CAMK1D: variants seen among roughly 807,000 people sequenced by gnomAD.
The protein encoded by CAMK1D is calcium/calmodulin dependent protein kinase ID.
CAMK1D carries 9 observed loss-of-function variants against 47.7 expected under a neutral mutation model. That is an observed-to-expected ratio of 0.19 (90% CI 0.11 to 0.33). The LOEUF (loss-of-function observed/expected upper bound fraction) is 0.33, where lower values mean the gene tolerates loss of function less well. Among genes scored for constraint, CAMK1D ranks in the 10% least tolerant of loss-of-function variants. The pLI, the probability that CAMK1D is intolerant of heterozygous loss-of-function variation, is 1.00. For missense variants in CAMK1D, 291 were observed against 488.7 expected, an observed-to-expected ratio of 0.60 and a Z score of 3.81; for synonymous variants, 184 against 184.9, an observed-to-expected ratio of 0.99 and a Z score of 0.04.
intron 4 of CAMK1D, among the ~76,000 whole-genome samples, chr10:12,766,778 A>G (rs1836783973): frequency 1.3e-5 from 2 of 152,000 alleles, no homozygotes; most frequent in South Asian, 4.1e-4. Context: ...GAAGAACTTG[A>G]TCAGATACCC....
intron 3 of CAMK1D, among the ~76,000 whole-genome samples, chr10:12,706,202 T>C (rs951113128): frequency 6.6e-6 from 1 of 152,182 alleles, no homozygotes; most frequent in Non-Finnish European, 1.5e-5. Context: ...ATATCCTGGG[T>C]GAGACAGAGT....
intron 1 of CAMK1D, among the ~76,000 whole-genome samples, chr10:12,468,167 C>T (rs188481122): frequency 1.6e-4 from 24 of 152,274 alleles, no homozygotes; most frequent in East Asian, 1.5e-3. Flanking sequence ...GTGATCCTCC[C>T]GCCTCAGCTT....
At chr10:12,637,929 G>A (rs1346183714) in intron 2 of CAMK1D, among the ~76,000 whole-genome samples, 2 of 152,178 alleles carry the variant, frequency 1.3e-5, no homozygotes, top group Non-Finnish European at 2.9e-5. Context: ...GCAGGCCACC[G>A]ATGTCCAGCC....
At chr10:12,822,338 C>T (rs568118737) in intron 8 of CAMK1D, among the ~76,000 whole-genome samples, 46 of 152,330 alleles carry the variant, frequency 3.0e-4, no homozygotes, top group African/African-American at 1.1e-3. Context: ...TGGGGGCCAC[C>T]TTCTGCCCAG....
intron 1 of CAMK1D, among the ~76,000 whole-genome samples, chr10:12,548,284 A>G (rs1836462319): frequency 6.6e-6 from 1 of 152,136 alleles, no homozygotes; most frequent in African/African-American, 2.4e-5. Context: ...TACAGTTGAT[A>G]TAATTTTTTT....
At chr10:12,543,765 C>T (rs148967696) in intron 1 of CAMK1D, among the ~76,000 whole-genome samples, 222 of 152,238 alleles carry the variant, frequency 1.5e-3, no homozygotes, top group African/African-American at 5.0e-3. Flanking sequence ...TTTTCTTTGC[C>T]CTGCCACTCA....
chr10:12,591,901 G>A (rs559671031), intron 2 of CAMK1D, among the ~76,000 whole-genome samples: 2 of 152,206 alleles, frequency 1.3e-5, no homozygotes, highest in South Asian at 2.1e-4. Context: ...CACTATGTTG[G>A]CCAGGATGGT....
intron 3 of CAMK1D, among the ~76,000 whole-genome samples, chr10:12,733,661 C>T (rs1000773539): frequency 5.3e-5 from 8 of 152,146 alleles, no homozygotes; most frequent in Non-Finnish European, 8.8e-5. Context: ...GCCAGTGGCT[C>T]TTCATTCAGT....
intron 1 of CAMK1D, among the ~76,000 whole-genome samples, chr10:12,499,905 A>T (rs1197996176): frequency 6.6e-6 from 1 of 152,196 alleles, no homozygotes; most frequent in Non-Finnish European, 1.5e-5. Flanking sequence ...TCCACGGATC[A>T]TTTAGGACCA....
intron 2 of CAMK1D, among the ~76,000 whole-genome samples, chr10:12,592,612 G>A (rs889188996): frequency 6.6e-6 from 1 of 152,186 alleles, no homozygotes; most frequent in Non-Finnish European, 1.5e-5. Context: ...AGGCTCTGCA[G>A]ATGCAGTTTC....
intron 3 of CAMK1D, among the ~76,000 whole-genome samples, chr10:12,750,720 AG>A (rs1835904430): frequency 6.6e-6 from 1 of 151,356 alleles, no homozygotes; most frequent in Non-Finnish European, 1.5e-5. Flanking sequence ...ATGAAGTAGA[AG>A]TTGAGGGAGG....
Position 12,377,678 on chromosome 10 carries a change from A to G in CAMK1D, c.92+27768A>G, listed in dbSNP as rs146951104. Among the ~76,000 whole-genome samples the G allele has an allele frequency of 1.7e-3, 263 of 152,342 alleles. 1 individual carries two copies. Among genetic ancestry groups the G allele is most frequent in the African/African-American group, 5.9e-3 (246 of 41,582 alleles). On this transcript the variant is annotated intron_variant, in intron 1 of 10. Transcript: ENST00000619168. ...GTAATAAAGGACCCACCATATAGGA[A>G]TGCACTTCAAGGGGTTTCTTCATAT...
intron 1 of CAMK1D, among the ~76,000 whole-genome samples, chr10:12,517,887 G>C (rs1187929337): frequency 1.3e-5 from 2 of 152,114 alleles, no homozygotes; most frequent in Non-Finnish European, 2.9e-5. Context: ...GATATCAAAG[G>C]AATCCTTGAC....
Position 12,728,607 on chromosome 10 carries a change from G to A in CAMK1D, c.300-32341G>A, listed in dbSNP as rs376502550. Among the ~76,000 whole-genome samples, 101 of 152,322 alleles carry A rather than the reference G, an allele frequency of 6.6e-4. 1 individual carries two copies. In the South Asian group the frequency reaches 0.02, roughly 30 times the overall value. ...GATAATAAGGCTGAGCCCGAGACTT[G>A]GCTTCCACATTTATCATAAGGGGAT... On this transcript the variant is annotated intron_variant, in intron 3 of 10. Transcript: ENST00000619168.
At chr10:12,619,927 T>C (rs1256158973) in intron 2 of CAMK1D, among the ~76,000 whole-genome samples, 3 of 152,210 alleles carry the variant, frequency 2.0e-5, no homozygotes, top group Admixed American at 6.5e-5. Flanking sequence ...AAGAATGTTA[T>C]ATAAATTGAA....
chr10:12,715,810 T>A (rs1408334311), intron 3 of CAMK1D, among the ~76,000 whole-genome samples: 1 of 144,116 alleles, frequency 6.9e-6, no homozygotes, highest in African/African-American at 2.6e-5. Flanking sequence ...AGCCTCCGCC[T>A]CCCGGGTTCA....
chr10:12,659,977 C>T (rs1840229400), intron 2 of CAMK1D, among the ~76,000 whole-genome samples: 1 of 152,322 alleles, frequency 6.6e-6, no homozygotes, highest in African/African-American at 2.4e-5. Context: ...CTGTGCCTCG[C>T]TATCCCCACC....
chr10:12,731,439 C>T (rs552792668), intron 3 of CAMK1D, among the ~76,000 whole-genome samples: 1 of 152,294 alleles, frequency 6.6e-6, no homozygotes, highest in South Asian at 2.1e-4. Context: ...GGAGAAAAGT[C>T]ATGAAAGTGA....
intron 5 of CAMK1D, among the ~76,000 whole-genome samples, chr10:12,785,142 A>C (rs1837668111): frequency 6.6e-6 from 1 of 152,168 alleles, no homozygotes; most frequent in South Asian, 2.1e-4. Flanking sequence ...GGATATCCTG[A>C]AGGCTGGACG....
Sources: allele counts gnomAD v4.1 joint callset (sites outside exome capture counted in the v4.1 genomes callset), GRCh38; gene constraint gnomAD v4.1.1; transcripts MANE v1.5; gene names NCBI Gene and HGNC (gene_info 2026-07-23, HGNC 2026-07-21).